ERP44: variants seen among roughly 807,000 people sequenced by gnomAD.
ERP44 encodes the protein endoplasmic reticulum resident protein 44.
Under a neutral mutation model 53.4 loss-of-function variants are expected in ERP44, and 25 were observed. The observed-to-expected ratio is 0.47, with a 90% CI of 0.34 to 0.65. The LOEUF is 0.65. Ranked by LOEUF, ERP44 falls within the 30% of genes least tolerant of loss-of-function variation. The pLI is 0.01. For missense variants in ERP44, 338 were observed against 493.2 expected (o/e 0.69, Z 2.98); for synonymous variants, 145 against 161.2 (o/e 0.90, Z 0.76).
At chr9:99,999,870 G>T (rs1023534038) in intron 10 of ERP44, among the ~76,000 whole-genome samples, 1 of 152,028 alleles carries the variant, frequency 6.6e-6, no homozygotes. Context: ...CGAGATGAGG[G>T]TCTAATTTCA....
At chr9:100,098,662 T>G (rs1587990563) in intron 1 of ERP44, 122 bp downstream of exon 1, 2 of 758,744 alleles carry the variant, frequency 2.6e-6, no homozygotes, top group South Asian at 1.7e-5. Context: ...CGGGGGAGGG[T>G]GCACTCCAAA....
At position 99,981,096 on chromosome 9, in the gene ERP44, A is replaced by AACTT. The variant is rs1830144062; in HGVS notation, c.*1512_*1515dup. On this transcript the variant is annotated 3_prime_UTR_variant, in exon 12 of 12. Transcript: ENST00000262455. ...GAAGACCATAACTCTAACTTCATTT[A>AACTT]ACTTATTGGTTAAAAGCAATGAGGA... is the stretch of plus-strand genomic sequence containing the variant. 1 of 152,028 alleles carries AACTT rather than the reference A, an allele frequency of 6.6e-6. No individual in the cohort carries two copies. Among genetic ancestry groups the AACTT allele is most frequent in the African/African-American group, 2.4e-5 (1 of 41,430 alleles). 9.4% of individuals were successfully genotyped at this position (152,028 alleles called of 1,614,324 possible). A position where few individuals can be genotyped will look rare whatever the true frequency, so the allele number is the denominator to read the frequency against.
At chr9:99,986,967 T>C (rs1830201897) in intron 10 of ERP44, among the ~76,000 whole-genome samples, 1 of 152,238 alleles carries the variant, frequency 6.6e-6, no homozygotes, top group Admixed American at 6.5e-5. Flanking sequence ...ATAAAGCCTC[T>C]GCTAGTTTGT....
chr9:99,981,104 G>T lies in ERP44; in HGVS notation c.*1508C>A, dbSNP rs953357311. 1.3e-5 allele frequency: 2 copies of T among 151,990 alleles called. No individual in the cohort carries two copies. The highest frequency in any genetic ancestry group is 6.6e-5 in the Admixed American group (1 of 15,252). 9.4% of individuals were successfully genotyped at this position (151,990 alleles called of 1,614,324 possible). A position where few individuals can be genotyped will look rare whatever the true frequency, so the allele number is the denominator to read the frequency against. On this transcript the variant is annotated 3_prime_UTR_variant, in exon 12 of 12. Transcript: ENST00000262455. The stretch of plus-strand genomic sequence containing the variant: ...TAACTCTAACTTCATTTAACTTATT[G>T]GTTAAAAGCAATGAGGATAACAGAA...
chr9:100,000,978 T>C (rs748692541), intron 10 of ERP44, among the ~76,000 whole-genome samples: 15 of 152,172 alleles, frequency 9.9e-5, no homozygotes, highest in South Asian at 2.1e-4. Flanking sequence ...AGGTGTTTCT[T>C]GCTATAAAAC....
chr9:100,043,290 A>AG (rs1825930703), intron 4 of ERP44, among the ~76,000 whole-genome samples: 2 of 143,344 alleles, frequency 1.4e-5, no homozygotes, highest in Non-Finnish European at 3.1e-5. Flanking sequence ...AAAAAAAAAA[A>AG]AGATAAATAA....
chr9:100,009,400 C>A (rs752025739), intron 8 of ERP44, among the ~76,000 whole-genome samples: 2 of 152,238 alleles, frequency 1.3e-5, no homozygotes, highest in African/African-American at 4.8e-5. Context: ...GCATGAGCCA[C>A]TGCGCCCAGC....
In ERP44 at chr9:100,078,508, A is replaced by C. The variant is rs2118744783; in HGVS notation, c.58-18336T>G. ...AGCGGCTCATGCCTGTAATCCCAGC[A>C]CTTTGGGAGGCAGTGGCAGGTGGAT... On this transcript the variant is annotated intron_variant, in intron 1 of 11. Transcript: ENST00000262455. Among the ~76,000 whole-genome samples, 3 of 148,936 alleles carry C rather than the reference A, an allele frequency of 2.0e-5. No individual in the cohort carries two copies. In the South Asian group the frequency reaches 6.4e-4, roughly 32 times the overall value.
intron 8 of ERP44, among the ~76,000 whole-genome samples, chr9:100,009,224 G>A (rs994711846): frequency 2.6e-5 from 4 of 151,982 alleles, no homozygotes; most frequent in Admixed American, 1.3e-4. Flanking sequence ...CGATTCTCCT[G>A]TCTCAGCCTC....
intron 4 of ERP44, among the ~76,000 whole-genome samples, chr9:100,022,566 G>A (rs1015451804): frequency 2.0e-5 from 3 of 152,168 alleles, no homozygotes; most frequent in African/African-American, 7.2e-5. Flanking sequence ...TACAACAGAC[G>A]CCACAGTAAG....
intron 1 of ERP44, among the ~76,000 whole-genome samples, chr9:100,093,993 A>AC (rs1826594391): frequency 1.3e-5 from 2 of 152,252 alleles, no homozygotes; most frequent in South Asian, 4.1e-4. Flanking sequence ...CTACAAAGCT[A>AC]CATATACATT....
At chr9:100,063,959 C>A (rs1482952827) in intron 1 of ERP44, among the ~76,000 whole-genome samples, 1 of 152,064 alleles carries the variant, frequency 6.6e-6, no homozygotes, top group Admixed American at 6.5e-5. Context: ...AATACCATAC[C>A]CAAATTCATT....
intron 8 of ERP44, among the ~76,000 whole-genome samples, chr9:100,015,902 C>T (rs552784161): frequency 6.6e-6 from 1 of 152,222 alleles, no homozygotes; most frequent in African/African-American, 2.4e-5. Flanking sequence ...TGCCACTGAT[C>T]TGACAGGAGG....
chr9:100,087,778 C>A (rs1056729560), intron 1 of ERP44, among the ~76,000 whole-genome samples: 4 of 151,978 alleles, frequency 2.6e-5, no homozygotes, highest in African/African-American at 9.7e-5. Flanking sequence ...CAGGATTAAA[C>A]AAAAAGAGCC....
chr9:100,020,057 A>T (rs1419425631), intron 6 of ERP44, among the ~76,000 whole-genome samples: 1 of 152,220 alleles, frequency 6.6e-6, no homozygotes, highest in African/African-American at 2.4e-5. Context: ...AGAAAAGGAA[A>T]GCAGTTCTTG....
intron 1 of ERP44, among the ~76,000 whole-genome samples, chr9:100,097,375 A>C (rs1324421477): frequency 6.6e-6 from 1 of 152,106 alleles, no homozygotes; most frequent in East Asian, 1.9e-4. Flanking sequence ...ATTTCCTAAA[A>C]GTGCACACAA....
chr9:99,999,145 G>C, intron 10 of ERP44: 1 of 569,144 alleles, frequency 1.8e-6, no homozygotes, highest in Non-Finnish European at 3.2e-6. Flanking sequence ...ACCGCGCTGG[G>C]AGGCCAGGGC....
intron 4 of ERP44, among the ~76,000 whole-genome samples, chr9:100,044,127 T>A (rs572982911): frequency 3.4e-4 from 52 of 152,328 alleles, no homozygotes; most frequent in African/African-American, 1.2e-3. Context: ...GTATAAACTA[T>A]GGCAGTATTT....
chr9:100,007,753 G>A (rs1830436059), intron 8 of ERP44, 64 bp from the exon 9 acceptor site: 5 of 918,246 alleles, frequency 5.4e-6, no homozygotes, highest in Non-Finnish European at 7.2e-6. Context: ...CTATTTTCTA[G>A]GTAGGAACAA....
Sources: allele counts gnomAD v4.1 joint callset (sites outside exome capture counted in the v4.1 genomes callset), GRCh38; gene constraint gnomAD v4.1.1; transcripts MANE v1.5; gene names NCBI Gene and HGNC (gene_info 2026-07-23, HGNC 2026-07-21).